Variants in YTHDF2 observed in about 807,000 individuals in gnomAD.
The protein encoded by YTHDF2 is YTH domain-containing family protein 2.
YTHDF2 carries 2 observed loss-of-function variants against 50.4 expected under a neutral mutation model. The ratio of observed to expected loss-of-function variants is 0.04; its 90% CI spans 0.02 to 0.12. YTHDF2 has a LOEUF of 0.12. YTHDF2 is among the 10% of genes least tolerant of loss of function. The pLI is 1.00. For missense variants in YTHDF2, 483 were observed against 722.6 expected (o/e 0.67, Z 3.80); for synonymous variants, 217 against 255.6 (o/e 0.85, Z 1.44).
Position 28,763,756 on chromosome 1 carries a change from A to ATT in YTHDF2, c.1717-5160_1717-5159dup, listed in dbSNP as rs34426132. Among the ~76,000 whole-genome samples, 368 of 144,674 alleles carry ATT rather than the reference A, an allele frequency of 2.5e-3. 3 individuals carry two copies. The highest frequency in any genetic ancestry group is 5.5e-3 in the African/African-American group (218 of 39,732). 94.9% of individuals were successfully genotyped at this position (144,674 alleles called of 152,430 possible). On this transcript the variant is annotated intron_variant, in intron 4 of 4. Coordinates refer to ENST00000373812, the MANE Select transcript of YTHDF2 (RefSeq NM_016258.3). ...AGGCGTAAGCCACTGTGCCCAGCCA[A>ATT]TTTTTTTTTTTTTTGGGATTATGGG...
At chr1:28,752,650 T>A (rs1316553051) in intron 4 of YTHDF2, among the ~76,000 whole-genome samples, 3 of 152,168 alleles carry the variant, frequency 2.0e-5, no homozygotes, top group Non-Finnish European at 4.4e-5. Flanking sequence ...CAATGTTTAA[T>A]TTTTGCTGAT....
rs778660050 is a variant in YTHDF2 at position 28,742,953 on chromosome 1, C to T, written c.683C>T (p.Pro228Leu). ...ATCGTGGCTTCCAATAGTTTGCCTCCAGCCACCATTGCTCCTCCAAAACCA... is the reference window on the plus strand; with the variant it reads ...ATCGTGGCTTCCAATAGTTTGCCTCTAGCCACCATTGCTCCTCCAAAACCA... ...SNIVASNSLP[P>L]ATIAPPKPAS... The change falls in exon 4 of 5, where the codon CCA (proline) becomes CTA (leucine). Residue 228 changes from proline to leucine, a missense_variant. Pro to Leu is a moderately conservative substitution (Grantham distance 98, BLOSUM62 -3). This residue lies in a region of YTHDF2 where 385 missense variants were observed against 475.8 expected (regional missense o/e 0.81). Coordinates refer to ENST00000373812, the MANE Select transcript of YTHDF2 (RefSeq NM_016258.3). The T allele has an allele frequency of 6.8e-6, 11 of 1,614,048 alleles. No homozygotes were observed. Among genetic ancestry groups the T allele is most frequent in the South Asian group, 1.1e-5 (1 of 91,082 alleles).
chr1:28,737,742 G>A (rs1363823377), intron 2 of YTHDF2, 60 bp downstream of exon 2: 1 of 1,597,550 alleles, frequency 6.3e-7, no homozygotes, highest in Non-Finnish European at 8.5e-7. Context: ...GGTGGGGGCG[G>A]GGTCTCCGGG....
In YTHDF2 at chr1:28,747,284, A is replaced by G. The variant is rs116812367; in HGVS notation, c.1716+3298A>G. 3.6e-3 allele frequency among the ~76,000 whole-genome samples: 547 copies of G among 150,926 alleles called. 7 individuals are homozygous for G. The highest frequency in any genetic ancestry group is 0.013 in the African/African-American group (521 of 41,132). The stretch of plus-strand genomic sequence containing the variant: ...AAGCTAACTAATGGCTCTTTTTAAA[A>G]ACCATTGCCCAGCGCGGTGGCTCAT... On this transcript the variant is annotated intron_variant, in intron 4 of 4. Coordinates refer to ENST00000373812, the MANE Select transcript of YTHDF2 (RefSeq NM_016258.3).
At chr1:28,746,514 C>G (rs1029892584) in intron 4 of YTHDF2, among the ~76,000 whole-genome samples, 3 of 151,398 alleles carry the variant, frequency 2.0e-5, no homozygotes, top group African/African-American at 7.3e-5. Context: ...CAGAGGCGGG[C>G]CGATCACTTG....
intron 4 of YTHDF2, among the ~76,000 whole-genome samples, chr1:28,750,879 G>T (rs917856809): frequency 6.6e-6 from 1 of 151,818 alleles, no homozygotes; most frequent in Non-Finnish European, 1.5e-5. Flanking sequence ...CATCACTTGA[G>T]CCTAGGAGTT....
intron 4 of YTHDF2, among the ~76,000 whole-genome samples, chr1:28,751,098 A>ATTC: frequency 6.8e-6 from 1 of 147,228 alleles, no homozygotes; most frequent in Non-Finnish European, 1.5e-5. Context: ...CTCAAAAAAA[A>ATTC]AAAAAAAAAA....
chr1:28,763,257 T>C (rs1467677703), intron 4 of YTHDF2, among the ~76,000 whole-genome samples: 2 of 152,140 alleles, frequency 1.3e-5, no homozygotes, highest in Non-Finnish European at 2.9e-5. Context: ...AGTTTCCTAA[T>C]TTATTCATAG....
At chr1:28,749,523 AAGG>A (rs2087916915) in intron 4 of YTHDF2, among the ~76,000 whole-genome samples, 2 of 152,196 alleles carry the variant, frequency 1.3e-5, no homozygotes, top group Admixed American at 1.3e-4. Context: ...GTCTGGGAGA[AAGG>A]AGAGTTAACT....
At chr1:28,737,840 GCAGCTGGCGAA>G (rs1185170220) in intron 2 of YTHDF2, 158 bp downstream of exon 2, 3 of 842,582 alleles carry the variant, frequency 3.6e-6, no homozygotes, top group Non-Finnish European at 5.4e-6. Flanking sequence ...GTGTGTTCTT[GCAGCTGGCGAA>G]CAGCTTTTTC....
At position 28,757,726 on chromosome 1, in the gene YTHDF2, C is replaced by T. The variant is rs189542296; in HGVS notation, c.1717-11203C>T. 2.7e-3 allele frequency among the ~76,000 whole-genome samples: 408 copies of T among 149,604 alleles called. 3 individuals carry two copies. Among genetic ancestry groups the T allele is most frequent in the African/African-American group, 0.01 (391 of 39,088 alleles). On this transcript the variant is annotated intron_variant, in intron 4 of 4. Transcript: ENST00000373812. ...TAAAATGTAACCAAATTATAAAAAG[C>T]GTAGAAAACAAAAGAAATCACCTGT...
chr1:28,750,718 T>A (rs1467725515), intron 4 of YTHDF2, among the ~76,000 whole-genome samples: 2 of 152,038 alleles, frequency 1.3e-5, no homozygotes, highest in Non-Finnish European at 2.9e-5. Flanking sequence ...ACAAATTAAG[T>A]ATGTGGGTAG....
intron 4 of YTHDF2, 76 bp from the exon 5 acceptor site, chr1:28,768,853 T>G: frequency 9.0e-7 from 1 of 1,110,310 alleles, no homozygotes; most frequent in Non-Finnish European, 1.3e-6. Context: ...TGTTGAGTTA[T>G]TCTGTGAAGT....
At position 28,748,106 on chromosome 1, in the gene YTHDF2, C is replaced by T. The variant is rs534134409; in HGVS notation, c.1716+4120C>T. ...TGGCGCCACTGGACTCCAGCCTGGG[C>T]GACAGAGCGAGACTCCATCTCAAAA... is the stretch of plus-strand genomic sequence containing the variant. On this transcript the variant is annotated intron_variant, in intron 4 of 4. Transcript: ENST00000373812. 1.1e-4 allele frequency among the ~76,000 whole-genome samples: 16 copies of T among 148,916 alleles called. No homozygotes were observed. The South Asian group carries it at 1.7e-3, about 16-fold the overall frequency.
intron 4 of YTHDF2, among the ~76,000 whole-genome samples, chr1:28,747,524 A>G (rs1412861267): frequency 6.2e-4 from 34 of 54,748 alleles, no homozygotes; most frequent in African/African-American, 1.5e-3. Flanking sequence ...AAACTTGTCT[A>G]AAAAAAAAAA....
chr1:28,743,276 C>G lies in YTHDF2; in HGVS notation c.1006C>G (p.Pro336Ala). 6.2e-7 allele frequency: 1 copy of G among 1,614,130 alleles called. No individual in the cohort carries two copies. The highest frequency in any genetic ancestry group is 8.5e-7 in the Non-Finnish European group (1 of 1,180,034). ...TQPLPPPPPQ[P>A]AQLSVQQQAA... ...GCCATTGCCTCCACCTCCACCACAGCCTGCCCAGCTTTCAGTCCAGCAACA... is the reference window on the plus strand; with the variant it reads ...GCCATTGCCTCCACCTCCACCACAGGCTGCCCAGCTTTCAGTCCAGCAACA... The change falls in exon 4 of 5, where the codon CCT (proline) becomes GCT (alanine). Residue 336 changes from proline to alanine, a missense_variant. Around this residue, in one of 4 missense-constraint regions of YTHDF2, gnomAD observed 385 missense variants for 475.8 expected, o/e 0.81. Coordinates refer to ENST00000373812, the MANE Select transcript of YTHDF2 (RefSeq NM_016258.3). This position sits in a 1 kb window ranked among gnomAD's most constrained non-coding sequence, Gnocchi z 6.9.
intron 4 of YTHDF2, among the ~76,000 whole-genome samples, chr1:28,752,302 G>GTT (rs1216104522): frequency 6.6e-6 from 1 of 151,786 alleles, no homozygotes; most frequent in Non-Finnish European, 1.5e-5. Flanking sequence ...TGTTTTTGTT[G>GTT]TTGTTGTTGT....
intron 4 of YTHDF2, among the ~76,000 whole-genome samples, chr1:28,753,590 G>C (rs1265969189): frequency 2.0e-5 from 3 of 151,962 alleles, no homozygotes; most frequent in Admixed American, 2.0e-4. Context: ...ACATAGTCTT[G>C]AGAATGCTTA....
At chr1:28,745,038 A>G (rs1392918160) in intron 4 of YTHDF2, among the ~76,000 whole-genome samples, 3 of 152,198 alleles carry the variant, frequency 2.0e-5, no homozygotes, top group East Asian at 1.9e-4. Flanking sequence ...AGATCTGTGT[A>G]TTAGTGGTTG....
Sources: allele counts gnomAD v4.1 joint callset (sites outside exome capture counted in the v4.1 genomes callset), GRCh38; gene constraint gnomAD v4.1.1; regional missense constraint gnomAD v4.1.1; non-coding constraint Gnocchi (gnomAD v3.1); transcripts MANE v1.5; gene names NCBI Gene and HGNC (gene_info 2026-07-23, HGNC 2026-07-21).